Variants in RBFOX1 observed in about 807,000 individuals in gnomAD.
RBFOX1 encodes RNA binding fox-1 homolog 1, also known as RNA binding protein fox-1 homolog 1.
In RBFOX1, 8 loss-of-function variants were observed where a neutral mutation model predicts 57.7. That is an observed-to-expected ratio of 0.14 (90% confidence interval 0.08 to 0.25). RBFOX1 has a LOEUF of 0.25. Ranked by LOEUF, RBFOX1 falls within the 10% of genes least tolerant of loss-of-function variation. RBFOX1 has a pLI of 1.00. For synonymous variants in RBFOX1, 326 were observed against 222.4 expected (o/e 1.47, Z -4.15); for missense variants, 611 against 548.5 (o/e 1.11, Z -1.14).
At position 6,931,362 on chromosome 16, in the gene RBFOX1, CAT is replaced by C. The variant is rs1425155853; in HGVS notation, c.-15-120693_-15-120692del. On this transcript the variant is annotated intron_variant, in intron 3 of 15. Coordinates refer to ENST00000550418, the MANE Select transcript of RBFOX1 (RefSeq NM_018723.4). Reference sequence around the variant, plus strand: ...CTCTACACACACACACACACACACACATACATACACATATATACATACATATA... The same window carrying C: ...CTCTACACACACACACACACACACACACATACACATATATACATACATATA... Among the ~76,000 whole-genome samples, 311 of 150,184 alleles carry C rather than the reference CAT, an allele frequency of 2.1e-3. 1 individual carries two copies. Among genetic ancestry groups the C allele is most frequent in the African/African-American group, 7.2e-3 (288 of 40,114 alleles).
chr16:6,988,917 G>A (rs763383575), intron 3 of RBFOX1, among the ~76,000 whole-genome samples: 4 of 151,750 alleles, frequency 2.6e-5, no homozygotes, highest in Admixed American at 6.6e-5. Flanking sequence ...GATTACAGGC[G>A]CCCACTACCA....
intron 4 of RBFOX1, among the ~76,000 whole-genome samples, chr16:7,252,037 G>A (rs1258049884): frequency 1.3e-5 from 2 of 152,194 alleles, no homozygotes; most frequent in Non-Finnish European, 2.9e-5. Context: ...GAGACAGAAA[G>A]TGGAGAAGGA....
intron 4 of RBFOX1, among the ~76,000 whole-genome samples, chr16:7,309,502 C>A (rs776974664): frequency 1.3e-5 from 2 of 152,212 alleles, no homozygotes; most frequent in Non-Finnish European, 2.9e-5. Context: ...ATGCAACTGG[C>A]CGCTCCTGCC....
intron 2 of RBFOX1, among the ~76,000 whole-genome samples, chr16:6,577,738 C>T (rs1265010386): frequency 1.3e-5 from 2 of 152,190 alleles, no homozygotes; most frequent in African/African-American, 2.4e-5. Context: ...GGAAGTGACA[C>T]ACCCTACTAT....
chr16:7,131,490 GAGGGAATGAGTACCTGAA>G, intron 4 of RBFOX1, among the ~76,000 whole-genome samples: 1 of 150,922 alleles, frequency 6.6e-6, no homozygotes, highest in South Asian at 2.1e-4. Flanking sequence ...TTTTATAGTT[GAGGGAATGAGTACCTGAA>G]AGGATGGAAT....
At chr16:6,805,712 C>T (rs1305361783) in intron 3 of RBFOX1, among the ~76,000 whole-genome samples, 1 of 152,154 alleles carries the variant, frequency 6.6e-6, no homozygotes, top group East Asian at 1.9e-4. Flanking sequence ...GTCCATTCTG[C>T]ATGCCTCACA....
At chr16:5,458,392 A>G (rs2068693546) in intron 1 of RBFOX1, among the ~76,000 whole-genome samples, 1 of 152,322 alleles carries the variant, frequency 6.6e-6, no homozygotes, top group African/African-American at 2.4e-5. Flanking sequence ...GGAGGGCACC[A>G]TAGCACAGCG....
chr16:7,116,151 C>T (rs889435815), intron 4 of RBFOX1, among the ~76,000 whole-genome samples: 2 of 152,128 alleles, frequency 1.3e-5, no homozygotes, highest in African/African-American at 4.8e-5. Flanking sequence ...TTCTCTTCTC[C>T]GTGTCATGCA....
At chr16:5,571,558 A>T (rs1000283515) in intron 2 of RBFOX1, among the ~76,000 whole-genome samples, 2 of 152,184 alleles carry the variant, frequency 1.3e-5, no homozygotes, top group Non-Finnish European at 2.9e-5. Context: ...CAAACTGTTT[A>T]TCATGAACTC....
At chr16:5,415,693 T>G (rs1199292062) in intron 1 of RBFOX1, among the ~76,000 whole-genome samples, 2 of 152,214 alleles carry the variant, frequency 1.3e-5, no homozygotes, top group African/African-American at 4.8e-5. Flanking sequence ...ACAGTAGTGA[T>G]AAAAACTTCC....
chr16:6,921,656 T>TC lies in RBFOX1; in HGVS notation c.-15-130400dup, dbSNP rs1555627203. ...ATATATATATATATATTTTTTTTTT[T>TC]CTTAGGGTTGCTTTCAATCAATAGA... is the stretch of plus-strand genomic sequence containing the variant. On this transcript the variant is annotated intron_variant, in intron 3 of 15. Transcript: ENST00000550418. Among the ~76,000 whole-genome samples, 7 of 150,520 alleles carry TC rather than the reference T, an allele frequency of 4.7e-5. No individual in the cohort carries two copies. In the East Asian group the frequency reaches 5.8e-4, roughly 12 times the overall value.
At chr16:7,383,759 A>G (rs1028634082) in intron 4 of RBFOX1, among the ~76,000 whole-genome samples, 1 of 152,210 alleles carries the variant, frequency 6.6e-6, no homozygotes, top group Non-Finnish European at 1.5e-5. Context: ...AAAGTATGTT[A>G]AAGTATCCCA....
At chr16:6,390,261 C>T (rs1371215387) in intron 2 of RBFOX1, among the ~76,000 whole-genome samples, 1 of 152,102 alleles carries the variant, frequency 6.6e-6, no homozygotes, top group African/African-American at 2.4e-5. Context: ...CTTAGAGGTG[C>T]CATTCTGATT....
intron 5 of RBFOX1, among the ~76,000 whole-genome samples, chr16:7,541,349 C>G (rs2082876708): frequency 6.6e-6 from 1 of 152,190 alleles, no homozygotes; most frequent in South Asian, 2.1e-4. Flanking sequence ...CGTGAAGCAG[C>G]ATTTTCCTCT....
intron 1 of RBFOX1, among the ~76,000 whole-genome samples, chr16:6,047,377 C>T (rs903542009): frequency 2.0e-5 from 3 of 152,156 alleles, no homozygotes; most frequent in Admixed American, 2.0e-4. Context: ...GATCCTTTCC[C>T]TGTGGTTGTT....
intron 2 of RBFOX1, among the ~76,000 whole-genome samples, chr16:6,460,818 T>G (rs2153063634): frequency 1.1e-5 from 1 of 94,936 alleles, no homozygotes; most frequent in African/African-American, 3.7e-5. Flanking sequence ...GAAGCACTAT[T>G]CAGAATACCA....
chr16:6,933,433 C>T (rs1010885835), intron 3 of RBFOX1, among the ~76,000 whole-genome samples: 4 of 152,246 alleles, frequency 2.6e-5, no homozygotes, highest in Admixed American at 2.6e-4. Flanking sequence ...GCCATCCTGG[C>T]CAGGTGCAGT....
At chr16:5,845,851 A>G (rs1273216255) in intron 3 of RBFOX1, among the ~76,000 whole-genome samples, 1 of 152,130 alleles carries the variant, frequency 6.6e-6, no homozygotes, top group Non-Finnish European at 1.5e-5. Context: ...GACCTCATCT[A>G]TCTTTTGAGG....
chr16:7,338,349 T>C (rs2096832094), intron 4 of RBFOX1, among the ~76,000 whole-genome samples: 1 of 152,178 alleles, frequency 6.6e-6, no homozygotes, highest in Non-Finnish European at 1.5e-5. Context: ...TGTATGCCTC[T>C]CTGACGTGGA....
Sources: gnomAD v4.1 joint callset for allele counts (sites outside exome capture counted in the v4.1 genomes callset) on GRCh38, gnomAD v4.1.1 for gene constraint, MANE v1.5 for transcripts, NCBI Gene and HGNC (gene_info 2026-07-23, HGNC 2026-07-21) for gene names.